The following DLG2 variants were observed in gnomAD, a reference collection of about 807,000 sequenced individuals.
The protein encoded by DLG2 is disks large homolog 2.
In DLG2, 45 loss-of-function variants were observed where a neutral mutation model predicts 132.5. The observed-to-expected ratio is 0.34, with a 90% CI of 0.27 to 0.44. The LOEUF is 0.44. Ranked by LOEUF, DLG2 falls within the 20% of genes least tolerant of loss-of-function variation. DLG2 has a pLI of 1.00. For synonymous variants in DLG2, 424 were observed against 419.6 expected, an observed-to-expected ratio of 1.01 and a Z score of -0.13; for missense variants, 1,045 against 1,196.9, an observed-to-expected ratio of 0.87 and a Z score of 1.87.
intron 18 of DLG2, among the ~76,000 whole-genome samples, chr11:83,757,320 T>C (rs532441777): frequency 1.3e-5 from 2 of 152,366 alleles, no homozygotes; most frequent in Admixed American, 1.3e-4. Context: ...TGAATTTATA[T>C]ATTTCAAACA....
At chr11:84,039,673 T>C (rs1419649468) in intron 11 of DLG2, among the ~76,000 whole-genome samples, 4 of 81,262 alleles carry the variant, frequency 4.9e-5, no homozygotes, top group African/African-American at 1.5e-4. Flanking sequence ...AATGCCGCAA[T>C]AAACATACGT....
intron 7 of DLG2, among the ~76,000 whole-genome samples, chr11:84,304,196 A>G (rs1033340648): frequency 6.6e-6 from 1 of 152,180 alleles, no homozygotes; most frequent in Admixed American, 6.5e-5. Flanking sequence ...TAATTTAATA[A>G]TGATGCTACA....
intron 6 of DLG2, among the ~76,000 whole-genome samples, chr11:84,650,869 G>GTA (rs1183546230): frequency 1.6e-5 from 2 of 121,664 alleles, no homozygotes; most frequent in African/African-American, 8.1e-5. Context: ...GTGTGTGTGT[G>GTA]TGTGTATATA....
chr11:84,057,204 A>C (rs886521981), intron 11 of DLG2, among the ~76,000 whole-genome samples: 3 of 152,112 alleles, frequency 2.0e-5, no homozygotes, highest in African/African-American at 7.2e-5. Context: ...AAAGATCTAA[A>C]ATATGTGTTC....
Position 85,235,709 on chromosome 11 carries a change from T to C in DLG2, c.186+49511A>G, listed in dbSNP as rs142566552. On this transcript the variant is annotated intron_variant, in intron 4 of 27. Coordinates refer to ENST00000376104, the MANE Select transcript of DLG2 (RefSeq NM_001142699.3). Reference sequence around the variant, plus strand: ...ATAAGTATTTATAATTACTTTTAAGTACTTAAAAGTTATTTAAGAAGATTT... The same window carrying C: ...ATAAGTATTTATAATTACTTTTAAGCACTTAAAAGTTATTTAAGAAGATTT... Among the ~76,000 whole-genome samples the C allele has an allele frequency of 8.8e-3, 1,343 of 152,062 alleles. 50 individuals carry two copies. Among genetic ancestry groups the C allele is most frequent in the Admixed American group, 0.067 (1,025 of 15,222 alleles).
At chr11:84,477,340 C>G (rs1183518263) in intron 7 of DLG2, among the ~76,000 whole-genome samples, 1 of 151,846 alleles carries the variant, frequency 6.6e-6, no homozygotes, top group Non-Finnish European at 1.5e-5. Context: ...ACTAAAAATA[C>G]AAAAATTGGC....
chr11:84,615,825 A>AAAAAACAAAAC, intron 6 of DLG2, among the ~76,000 whole-genome samples: 1 of 144,548 alleles, frequency 6.9e-6, no homozygotes, highest in East Asian at 2.0e-4. Context: ...CGGTAAAAAA[A>AAAAAACAAAAC]AAAAAAAAAA....
chr11:85,193,106 T>C lies in DLG2; in HGVS notation c.187-38455A>G, dbSNP rs139243101. On this transcript the variant is annotated intron_variant, in intron 4 of 27. Transcript: ENST00000376104. ...GTCTATTCCCCCTTCCTCCAGGCCC[T>C]GGCAGCAATAATCTACTTTCTATCT... Among the ~76,000 whole-genome samples the C allele has an allele frequency of 5.3e-3, 801 of 152,296 alleles. 5 individuals carry two copies. Among genetic ancestry groups the C allele is most frequent in the African/African-American group, 0.018 (767 of 41,562 alleles).
At chr11:83,807,488 T>C (rs1010507175) in intron 17 of DLG2, among the ~76,000 whole-genome samples, 4 of 152,110 alleles carry the variant, frequency 2.6e-5, no homozygotes, top group African/African-American at 7.2e-5. Context: ...AAAGCCACAA[T>C]CCATTCAGTA....
At chr11:83,920,949 G>T (rs917580618) in intron 15 of DLG2, among the ~76,000 whole-genome samples, 1 of 152,110 alleles carries the variant, frequency 6.6e-6, no homozygotes, top group Non-Finnish European at 1.5e-5. Context: ...TTAATGGGGT[G>T]TACTTTTCTC....
intron 18 of DLG2, among the ~76,000 whole-genome samples, chr11:83,724,508 A>T (rs2089574186): frequency 3.3e-5 from 5 of 150,164 alleles, no homozygotes; most frequent in African/African-American, 9.9e-5. Flanking sequence ...AGAGAGAGAG[A>T]GAGAGAGAGA....
chr11:84,558,253 T>C (rs1311700875), intron 6 of DLG2, among the ~76,000 whole-genome samples: 3 of 152,166 alleles, frequency 2.0e-5, no homozygotes, highest in Non-Finnish European at 4.4e-5. Context: ...TTACATCCCT[T>C]GTGTGCAGCA....
intron 6 of DLG2, among the ~76,000 whole-genome samples, chr11:85,075,202 C>T (rs1344153918): frequency 6.6e-6 from 1 of 151,896 alleles, no homozygotes; most frequent in Non-Finnish European, 1.5e-5. Flanking sequence ...TATTGTTTTA[C>T]ACTGTTAGTG....
intron 11 of DLG2, among the ~76,000 whole-genome samples, chr11:84,042,216 T>C (rs1217380428): frequency 6.6e-6 from 1 of 151,904 alleles, no homozygotes; most frequent in Non-Finnish European, 1.5e-5. Flanking sequence ...CTTAATCAAA[T>C]TGCCAACTAT....
At chr11:84,737,506 G>C (rs1565828125) in intron 6 of DLG2, among the ~76,000 whole-genome samples, 1 of 150,474 alleles carries the variant, frequency 6.6e-6, no homozygotes, top group African/African-American at 2.5e-5. Context: ...AAGAGACAGA[G>C]AGAGAGAGAG....
rs556128115 is a variant in DLG2 at position 85,009,868 on chromosome 11, A to G, written c.357+101793T>C. ...TTGCTTACCAGATTCTGTCTTCCTT[A>G]GGGCCACATAAAAAGTCCCTAAACC... On this transcript the variant is annotated intron_variant, in intron 6 of 27. Transcript: ENST00000376104. Among the ~76,000 whole-genome samples, 222 of 152,238 alleles carry G rather than the reference A, an allele frequency of 1.5e-3. 1 individual carries two copies. In the Middle Eastern group the frequency reaches 0.027, roughly 19 times the overall value.
At chr11:83,978,733 A>G (rs959087225) in intron 12 of DLG2, among the ~76,000 whole-genome samples, 14 of 152,144 alleles carry the variant, frequency 9.2e-5, no homozygotes, top group African/African-American at 3.1e-4. Context: ...TCCTTCCTGA[A>G]TAGCAGCTAC....
At chr11:85,594,138 G>A (rs1223206791) in intron 3 of DLG2, among the ~76,000 whole-genome samples, 1 of 152,004 alleles carries the variant, frequency 6.6e-6, no homozygotes, top group Non-Finnish European at 1.5e-5. Context: ...TTAGTAATAT[G>A]AAAAAAATGC....
At chr11:84,746,429 A>T (rs1326701478) in intron 6 of DLG2, among the ~76,000 whole-genome samples, 1 of 141,066 alleles carries the variant, frequency 7.1e-6, no homozygotes, top group Non-Finnish European at 1.6e-5. Context: ...ATTTCAGCTT[A>T]GTTTAGACTT....
Sources: gnomAD v4.1 joint callset for allele counts (sites outside exome capture counted in the v4.1 genomes callset) on GRCh38, gnomAD v4.1.1 for gene constraint, MANE v1.5 for transcripts, NCBI Gene and HGNC (gene_info 2026-07-23, HGNC 2026-07-21) for gene names.